The following DLG1 variants were observed in gnomAD, a reference collection of about 807,000 sequenced individuals.
DLG1 encodes the protein discs large MAGUK scaffold protein 1.
In DLG1, 42 loss-of-function variants were observed where a neutral mutation model predicts 123.4. That is an observed-to-expected ratio of 0.34 (90% CI 0.27 to 0.44). DLG1 has a LOEUF of 0.44. DLG1 is among the 20% of genes least tolerant of loss of function. The pLI is 1.00. For missense variants in DLG1, 942 were observed against 1,082.6 expected (o/e 0.87, Z 1.82); for synonymous variants, 317 against 356.2 (o/e 0.89, Z 1.24).
intron 23 of DLG1, among the ~76,000 whole-genome samples, chr3:197,059,071 G>A (rs374080684): frequency 1.3e-5 from 2 of 152,288 alleles, no homozygotes; most frequent in South Asian, 2.1e-4. Context: ...GACTACAGGT[G>A]CCCGCGACCA....
chr3:197,081,163 T>G, intron 16 of DLG1, 46 bp from the exon 17 acceptor site: 1 of 1,556,786 alleles, frequency 6.4e-7, no homozygotes, highest in East Asian at 2.3e-5. Flanking sequence ...CAAACATATC[T>G]GGGGTCTTAC....
At chr3:197,228,493 AC>A (rs1741129985) in intron 4 of DLG1, among the ~76,000 whole-genome samples, 1 of 152,262 alleles carries the variant, frequency 6.6e-6, no homozygotes, top group South Asian at 2.1e-4. Flanking sequence ...TTTAATGATT[AC>A]TAGGAATTAA....
At chr3:197,281,813 G>A (rs183562865) in intron 4 of DLG1, among the ~76,000 whole-genome samples, 190 of 152,212 alleles carry the variant, frequency 1.2e-3, no homozygotes, top group African/African-American at 4.1e-3. Context: ...TGAAGACAAG[G>A]GATCAGATGT....
intron 23 of DLG1, among the ~76,000 whole-genome samples, chr3:197,055,063 C>T (rs371435002): frequency 6.6e-6 from 1 of 152,240 alleles, no homozygotes; most frequent in Non-Finnish European, 1.5e-5. Context: ...GTTCTGCCTG[C>T]CTCGGCCTCC....
At chr3:197,298,003 TC>T in intron 1 of DLG1, 1 of 865,750 alleles carries the variant, frequency 1.2e-6, no homozygotes, top group Non-Finnish European at 1.4e-6. Flanking sequence ...CCGCGCCGCC[TC>T]CTCGCTCGCC....
chr3:197,052,275 C>T (rs1028202335), intron 23 of DLG1, among the ~76,000 whole-genome samples: 4 of 152,032 alleles, frequency 2.6e-5, no homozygotes, highest in Admixed American at 6.5e-5. Flanking sequence ...GCCAACAAGA[C>T]GAAACCCCGA....
intron 1 of DLG1, 81 bp from the exon 2 acceptor site, chr3:197,297,316 G>A (rs925144926): frequency 4.5e-6 from 7 of 1,553,338 alleles, no homozygotes; most frequent in Admixed American, 4.0e-5. Flanking sequence ...GAAAACCCTC[G>A]CAGCCTATTT....
chr3:197,183,719 T>C lies in DLG1; in HGVS notation c.483+10706A>G, dbSNP rs779611294. 3.2e-5 allele frequency: 50 copies of C among 1,550,394 alleles called. 1 individual carries two copies. In the South Asian group the frequency reaches 5.9e-4, roughly 18 times the overall value. Reference sequence around the variant, plus strand: ...CCTTTTTTGCCCAGTGTTTCTGCTTTGGGCCTGCTGAGCCATGGCTAGAGC... The same window carrying C: ...CCTTTTTTGCCCAGTGTTTCTGCTTCGGGCCTGCTGAGCCATGGCTAGAGC... On this transcript the variant is annotated intron_variant, in intron 5 of 24. Coordinates refer to ENST00000667157, the MANE Select transcript of DLG1 (RefSeq NM_001366207.1).
chr3:197,107,649 T>C (rs1271894905), intron 13 of DLG1, among the ~76,000 whole-genome samples: 1 of 152,036 alleles, frequency 6.6e-6, no homozygotes, highest in Non-Finnish European at 1.5e-5. Context: ...TTTTTGATAG[T>C]ATTATAAATC....
intron 3 of DLG1, among the ~76,000 whole-genome samples, chr3:197,285,167 G>A (rs1316815767): frequency 6.6e-6 from 1 of 151,996 alleles, no homozygotes; most frequent in African/African-American, 2.4e-5. Flanking sequence ...CAAACAATGG[G>A]AGTAAAGGGA....
chr3:197,114,239 C>T (rs868137005), intron 13 of DLG1, among the ~76,000 whole-genome samples: 2 of 152,138 alleles, frequency 1.3e-5, no homozygotes, highest in Non-Finnish European at 2.9e-5. Context: ...TCCTCTGACT[C>T]AGTAGGCATA....
chr3:197,125,543 A>C (rs990338223), intron 11 of DLG1, among the ~76,000 whole-genome samples: 2 of 152,210 alleles, frequency 1.3e-5, no homozygotes, highest in Admixed American at 6.5e-5. Context: ...TGAAGGTCAA[A>C]ATGAGATGGA....
chr3:197,051,650 T>TA lies in DLG1; in HGVS notation c.2501dup (p.Thr835AsnfsTer10). 6.2e-7 allele frequency: 1 copy of TA among 1,613,418 alleles called. No homozygotes were observed. The highest frequency in any genetic ancestry group is 8.5e-7 in the Non-Finnish European group (1 of 1,179,458). On this transcript the variant is annotated frameshift_variant, in exon 24 of 25. Transcript: ENST00000667157. LOFTEE classifies it high-confidence loss of function. ...ATGTTTTTCTGGCTTGTTCTTCTGTTAGACGCTTATTCATTTCCCTACGAA... is the reference window on the plus strand; with the variant it reads ...ATGTTTTTCTGGCTTGTTCTTCTGTTAAGACGCTTATTCATTTCCCTACGAA...
chr3:197,229,192 A>G (rs1741547505), intron 4 of DLG1, among the ~76,000 whole-genome samples: 1 of 152,150 alleles, frequency 6.6e-6, no homozygotes. Context: ...GAGAAATTCT[A>G]ATTTAGGGGA....
chr3:197,265,914 G>A (rs979473492), intron 4 of DLG1, among the ~76,000 whole-genome samples: 13 of 152,150 alleles, frequency 8.5e-5, no homozygotes, highest in Non-Finnish European at 1.8e-4. Context: ...GCCAGGCGTG[G>A]TGGCACATGC....
At chr3:197,077,243 T>A (rs370753869) in intron 17 of DLG1, among the ~76,000 whole-genome samples, 1 of 122,094 alleles carries the variant, frequency 8.2e-6, no homozygotes, top group East Asian at 3.1e-4. Context: ...ATATATATAT[T>A]TATATATACA....
intron 2 of DLG1, chr3:197,296,972 T>C: frequency 1.8e-6 from 1 of 568,290 alleles, no homozygotes. Context: ...GCTAACTGCC[T>C]CTCTTAATCA....
intron 15 of DLG1, among the ~76,000 whole-genome samples, chr3:197,085,960 A>G (rs964230953): frequency 2.0e-5 from 3 of 151,528 alleles, no homozygotes; most frequent in African/African-American, 7.3e-5. Flanking sequence ...GTATTGTATT[A>G]TTTGTTTCTT....
Position 197,194,491 on chromosome 3 carries a change from C to T in DLG1, c.417G>A (p.Glu139=). 6.2e-7 allele frequency: 1 copy of T among 1,604,988 alleles called. No homozygotes were observed. The highest frequency in any genetic ancestry group is 8.5e-7 in the Non-Finnish European group (1 of 1,175,964). ...CATTCTCAATCTCTGATAAGTTCTT[C>T]TCTGAGACATGAACCAATTCTGGAC... The part of the protein sequence containing the change: ...VIGPELVHVS[E]KNLSEIENVH... Residue 139 remains glutamate, a synonymous_variant, in exon 5 of 25, where the codon GAG becomes GAA. Transcript: ENST00000667157.
Sources: allele counts gnomAD v4.1 joint callset (sites outside exome capture counted in the v4.1 genomes callset), GRCh38; gene constraint gnomAD v4.1.1; transcripts MANE v1.5; gene names NCBI Gene and HGNC (gene_info 2026-07-23, HGNC 2026-07-21).